The following DLGAP1 variants were observed in gnomAD, a reference collection of about 807,000 sequenced individuals.
DLGAP1 encodes the protein disks large-associated protein 1.
DLGAP1 carries 11 observed loss-of-function variants against 90.8 expected under a neutral mutation model. That is an observed-to-expected ratio of 0.12 (90% confidence interval 0.08 to 0.20). The LOEUF is 0.20. DLGAP1 is among the 10% of genes least tolerant of loss of function. DLGAP1 has a pLI of 1.00. For missense variants in DLGAP1, 1,050 were observed against 1,333.8 expected, an observed-to-expected ratio of 0.79 and a Z score of 3.31; for synonymous variants, 558 against 540.7, an observed-to-expected ratio of 1.03 and a Z score of -0.44.
intron 1 of DLGAP1, among the ~76,000 whole-genome samples, chr18:4,230,445 T>C (rs1285874500): frequency 6.6e-6 from 1 of 152,070 alleles, no homozygotes. Flanking sequence ...AATGGAGTAC[T>C]GTTAGCCATA....
At chr18:4,005,665 C>G (rs2074286319) in intron 2 of DLGAP1, among the ~76,000 whole-genome samples, 2 of 152,132 alleles carry the variant, frequency 1.3e-5, no homozygotes, top group African/African-American at 4.8e-5. Context: ...GCACCTGTGT[C>G]TTTAGTTTCT....
chr18:3,624,372 G>A (rs960990991), intron 7 of DLGAP1, among the ~76,000 whole-genome samples: 7 of 152,180 alleles, frequency 4.6e-5, no homozygotes, highest in African/African-American at 9.7e-5. Flanking sequence ...GTCCCCTGAC[G>A]GCAGATGAGA....
At chr18:3,701,616 G>C (rs1045304783) in intron 7 of DLGAP1, among the ~76,000 whole-genome samples, 1 of 152,212 alleles carries the variant, frequency 6.6e-6, no homozygotes, top group African/African-American at 2.4e-5. Flanking sequence ...AGAGAATATG[G>C]CCAAGGAGTC....
intron 3 of DLGAP1, among the ~76,000 whole-genome samples, chr18:3,920,352 CAAAAAAAA>C (rs34353326): frequency 2.6e-5 from 2 of 75,534 alleles, no homozygotes; most frequent in African/African-American, 1.1e-4. Flanking sequence ...AGACTCTGTC[CAAAAAAAA>C]AAAAAAAAAA....
intron 7 of DLGAP1, among the ~76,000 whole-genome samples, chr18:3,698,570 G>C (rs2061172828): frequency 6.6e-6 from 1 of 152,108 alleles, no homozygotes; most frequent in Non-Finnish European, 1.5e-5. Flanking sequence ...TAGTCTGATG[G>C]GCTTCCCTTT....
intron 7 of DLGAP1, among the ~76,000 whole-genome samples, chr18:3,716,529 C>T (rs2061766960): frequency 7.5e-6 from 1 of 133,032 alleles, no homozygotes; most frequent in Admixed American, 8.2e-5. Flanking sequence ...CAGTGAGACC[C>T]TGTCTCAAAT....
At chr18:3,780,198 A>T in intron 5 of DLGAP1, among the ~76,000 whole-genome samples, 1 of 152,248 alleles carries the variant, frequency 6.6e-6, no homozygotes, top group East Asian at 1.9e-4. Context: ...AAATAAAGGT[A>T]TCCTTTCTCC....
At chr18:3,919,053 A>G (rs1275145088) in intron 3 of DLGAP1, among the ~76,000 whole-genome samples, 2 of 152,134 alleles carry the variant, frequency 1.3e-5, no homozygotes, top group African/African-American at 4.8e-5. Context: ...TTTTGTCAAA[A>G]TAACATTAAT....
intron 2 of DLGAP1, among the ~76,000 whole-genome samples, chr18:4,062,086 T>A (rs2075306631): frequency 6.6e-6 from 1 of 152,188 alleles, no homozygotes; most frequent in Admixed American, 6.6e-5. Flanking sequence ...GTTTAAAATA[T>A]TGCTGATCCT....
At chr18:4,414,983 C>T (rs2082859184) in intron 1 of DLGAP1, among the ~76,000 whole-genome samples, 1 of 151,692 alleles carries the variant, frequency 6.6e-6, no homozygotes, top group Admixed American at 6.6e-5. Flanking sequence ...TGATATTATA[C>T]AAAACAACAT....
intron 3 of DLGAP1, among the ~76,000 whole-genome samples, chr18:3,935,235 G>T (rs1382238789): frequency 6.6e-6 from 1 of 152,202 alleles, no homozygotes; most frequent in Non-Finnish European, 1.5e-5. Flanking sequence ...TGGGTGCTTG[G>T]AGATTTTTAC....
intron 2 of DLGAP1, among the ~76,000 whole-genome samples, chr18:4,126,075 T>G (rs2076228967): frequency 6.6e-6 from 1 of 152,210 alleles, no homozygotes; most frequent in South Asian, 2.1e-4. Context: ...CTCAGGCTCA[T>G]AGATGGAAGC....
At chr18:4,114,863 G>T (rs1432078497) in intron 2 of DLGAP1, among the ~76,000 whole-genome samples, 1 of 152,076 alleles carries the variant, frequency 6.6e-6, no homozygotes, top group Admixed American at 6.5e-5. Flanking sequence ...AATGTGTCCT[G>T]TAGAGAGTAT....
At chr18:4,031,465 T>C (rs1237786693) in intron 2 of DLGAP1, among the ~76,000 whole-genome samples, 1 of 152,180 alleles carries the variant, frequency 6.6e-6, no homozygotes, top group Non-Finnish European at 1.5e-5. Context: ...CCGGAAAGGG[T>C]ACCATCAACG....
At chr18:3,632,659 G>A (rs2058566447) in intron 7 of DLGAP1, among the ~76,000 whole-genome samples, 1 of 152,062 alleles carries the variant, frequency 6.6e-6, no homozygotes, top group South Asian at 2.1e-4. Context: ...CATTTATGAT[G>A]CCTTGTTTCC....
At chr18:4,210,089 T>C (rs1050483370) in intron 1 of DLGAP1, among the ~76,000 whole-genome samples, 1 of 152,180 alleles carries the variant, frequency 6.6e-6, no homozygotes, top group African/African-American at 2.4e-5. Flanking sequence ...CCACACAGAA[T>C]GGGTGAATTA....
intron 7 of DLGAP1, among the ~76,000 whole-genome samples, chr18:3,681,185 C>T (rs498419): frequency 0.59 from 89,504 of 152,036 alleles, 27,861 homozygotes; most frequent in African/African-American, 0.79. Flanking sequence ...TTTCAAGTGG[C>T]TTAAGTGGAC....
chr18:3,692,202 A>T (rs1421816275), intron 7 of DLGAP1, among the ~76,000 whole-genome samples: 1 of 152,230 alleles, frequency 6.6e-6, no homozygotes, highest in African/African-American at 2.4e-5. Context: ...AATGTAACTT[A>T]GCACAAGATC....
At chr18:4,147,747 C>T (rs1408706855) in intron 2 of DLGAP1, among the ~76,000 whole-genome samples, 1 of 152,072 alleles carries the variant, frequency 6.6e-6, no homozygotes, top group African/African-American at 2.4e-5. Flanking sequence ...GGTAACTGAC[C>T]AGAAGACTCA....
Sources: gnomAD v4.1 joint callset for allele counts (sites outside exome capture counted in the v4.1 genomes callset) on GRCh38, gnomAD v4.1.1 for gene constraint, MANE v1.5 for transcripts, NCBI Gene and HGNC (gene_info 2026-07-23, HGNC 2026-07-21) for gene names.